MORC3: variants seen among roughly 807,000 people sequenced by gnomAD.
MORC3 encodes the protein MORC family CW-type zinc finger 3.
In MORC3, 31 loss-of-function variants were observed where a neutral mutation model predicts 109.1. The observed-to-expected ratio is 0.28, with a 90% CI of 0.21 to 0.38. The LOEUF is 0.38. MORC3 is among the 10% of genes least tolerant of loss of function. MORC3 has a pLI of 1.00. For missense variants in MORC3, 867 were observed against 1,135.8 expected (o/e 0.76, Z 3.40); for synonymous variants, 395 against 380.7 (o/e 1.04, Z -0.44).
chr21:36,359,373 C>T (rs1344684178), intron 10 of MORC3, among the ~76,000 whole-genome samples: 1 of 151,984 alleles, frequency 6.6e-6, no homozygotes, highest in Non-Finnish European at 1.5e-5. Context: ...TGTGCTCAAG[C>T]GATTCTCCAA....
At chr21:36,329,824 G>T (rs1375311469) in intron 1 of MORC3, among the ~76,000 whole-genome samples, 1 of 152,032 alleles carries the variant, frequency 6.6e-6, no homozygotes. Context: ...ATTGTGTAGA[G>T]AATCCTCTTT....
intron 10 of MORC3, among the ~76,000 whole-genome samples, chr21:36,358,486 T>C (rs1232436053): frequency 6.6e-6 from 1 of 152,144 alleles, no homozygotes; most frequent in African/African-American, 2.4e-5. Flanking sequence ...CTGTATCCAG[T>C]GGGTCACGCC....
At chr21:36,351,047 G>A (rs1244195799) in intron 9 of MORC3, among the ~76,000 whole-genome samples, 3 of 144,836 alleles carry the variant, frequency 2.1e-5, no homozygotes, top group Non-Finnish European at 4.5e-5. Flanking sequence ...TGTTAACTAC[G>A]GTTGTCCTCC....
At chr21:36,337,665 G>GTATT (rs950707610) in intron 3 of MORC3, 67 bp from the exon 4 acceptor site, 153 of 1,064,422 alleles carry the variant, frequency 1.4e-4, no homozygotes, top group Middle Eastern at 3.2e-4. Context: ...AAGATTATAG[G>GTATT]TATTTATTTA....
chr21:36,366,424 G>A (rs535574636), intron 14 of MORC3, among the ~76,000 whole-genome samples: 6 of 152,152 alleles, frequency 3.9e-5, no homozygotes, highest in Middle Eastern at 3.4e-3. Context: ...CATCAAAATG[G>A]AAGACAAGAA....
intron 9 of MORC3, among the ~76,000 whole-genome samples, chr21:36,354,441 A>G (rs1463798456): frequency 6.7e-6 from 1 of 148,280 alleles, no homozygotes; most frequent in Non-Finnish European, 1.5e-5. Flanking sequence ...AGTAGTTAGG[A>G]CTACAGGCAC....
At chr21:36,328,821 T>A (rs1187817942) in intron 1 of MORC3, among the ~76,000 whole-genome samples, 1 of 150,190 alleles carries the variant, frequency 6.7e-6, no homozygotes, top group Non-Finnish European at 1.5e-5. Flanking sequence ...CTGGGCCACA[T>A]TGGAAGAATT....
At chr21:36,323,116 T>C (rs1375614130) in intron 1 of MORC3, among the ~76,000 whole-genome samples, 1 of 152,230 alleles carries the variant, frequency 6.6e-6, no homozygotes, top group African/African-American at 2.4e-5. Context: ...CAGTGTTTTG[T>C]CATTTGGAAG....
rs1013530969 is a variant in MORC3 at position 36,344,786 on chromosome 21, A to G, written c.885+79A>G. 8 of 1,588,040 alleles carry G rather than the reference A, an allele frequency of 5.0e-6. No homozygotes were observed. The African/African-American group carries it at 1.1e-4, about 21-fold the overall frequency. The stretch of plus-strand genomic sequence containing the variant: ...TGCCCCTTTCCCCTTATATGCTGAT[A>G]GGGATTCTAGTCTGCTCTAGCTTTG... On this transcript the variant is annotated intron_variant, in intron 7 of 16. Coordinates refer to ENST00000400485, the MANE Select transcript of MORC3 (RefSeq NM_015358.3).
At chr21:36,360,122 C>G (rs1162602652) in intron 11 of MORC3, 45 bp downstream of exon 11, 18 of 1,613,968 alleles carry the variant, frequency 1.1e-5, no homozygotes, top group Non-Finnish European at 1.4e-5. Flanking sequence ...ACGGAAAGTA[C>G]TGTTCACAGT....
intron 16 of MORC3, 136 bp from the exon 17 acceptor site, chr21:36,375,007 G>A: frequency 1.2e-6 from 1 of 822,478 alleles, no homozygotes; most frequent in East Asian, 2.9e-5. Flanking sequence ...GAGTTCTCTA[G>A]GGGAGGTTTT....
At chr21:36,355,632 G>A (rs542960264) in intron 9 of MORC3, among the ~76,000 whole-genome samples, 40 of 152,064 alleles carry the variant, frequency 2.6e-4, no homozygotes, top group African/African-American at 8.9e-4. Flanking sequence ...TCCCAGAATA[G>A]AGTACTTTTG....
At chr21:36,325,960 A>C (rs1025633117) in intron 1 of MORC3, among the ~76,000 whole-genome samples, 13 of 152,318 alleles carry the variant, frequency 8.5e-5, no homozygotes, top group Admixed American at 5.9e-4. Flanking sequence ...ACGCCTCAGC[A>C]CTTTGGGAGG....
intron 5 of MORC3, 55 bp downstream of exon 5, chr21:36,338,976 G>A: frequency 6.3e-7 from 1 of 1,575,264 alleles, no homozygotes; most frequent in Non-Finnish European, 8.7e-7. Flanking sequence ...CGTGCAGGGT[G>A]GTGGTGTTAT....
At chr21:36,329,784 A>C (rs971257460) in intron 1 of MORC3, among the ~76,000 whole-genome samples, 1 of 152,234 alleles carries the variant, frequency 6.6e-6, no homozygotes, top group African/African-American at 2.4e-5. Context: ...ATTGCCTTGC[A>C]AAGTTTGTCT....
chr21:36,369,453 A>G lies in MORC3; in HGVS notation c.2085A>G (p.Gln695=), dbSNP rs992191782. 13 of 1,614,122 alleles carry G rather than the reference A, an allele frequency of 8.1e-6. No individual in the cohort carries two copies. The highest frequency in any genetic ancestry group is 3.3e-5 in the Admixed American group (2 of 60,008). The change falls in exon 15 of 17, where the codon CAA becomes CAG. Residue 695 remains glutamine, a synonymous_variant. Coordinates refer to ENST00000400485, the MANE Select transcript of MORC3 (RefSeq NM_015358.3). The part of the protein sequence containing the change: ...TDKSADDAGC[Q]LQELRNQLLL... ...AATCTGCAGATGATGCAGGCTGCCA[A>G]TTACAAGAACTGAGAAACCAGCTAC...
rs534139665 is a variant in MORC3, at chr21:36,369,449, G to C, written c.2081G>C (p.Cys694Ser). 6.2e-7 allele frequency: 1 copy of C among 1,614,188 alleles called. No individual in the cohort carries two copies. Residue 694 changes from cysteine to serine, a missense_variant, in exon 15 of 17, where the codon TGC becomes TCC. By Grantham distance (112) the Cys-to-Ser change is moderately radical (BLOSUM62 -1). Around this residue, in one of 7 missense-constraint regions of MORC3, gnomAD observed 486 missense variants for 502.1 expected, o/e 0.97. Coordinates refer to ENST00000400485, the MANE Select transcript of MORC3 (RefSeq NM_015358.3). The part of the protein sequence containing the change: ...TTDKSADDAG[C>S]QLQELRNQLL... ...GATAAATCTGCAGATGATGCAGGCTGCCAATTACAAGAACTGAGAAACCAG... is the reference window on the plus strand; with the variant it reads ...GATAAATCTGCAGATGATGCAGGCTCCCAATTACAAGAACTGAGAAACCAG...
chr21:36,363,742 G>A (rs2085746367), intron 13 of MORC3, among the ~76,000 whole-genome samples: 1 of 152,226 alleles, frequency 6.6e-6, no homozygotes, highest in Admixed American at 6.5e-5. Context: ...AGGCAGTTGT[G>A]CTTCTTGCTT....
chr21:36,333,417 G>A (rs1378773019), intron 1 of MORC3: 3 of 552,296 alleles, frequency 5.4e-6, no homozygotes, highest in African/African-American at 3.8e-5. Context: ...ACATAAAGAG[G>A]GCAAGGGTTT....
Sources: gnomAD v4.1 joint callset for allele counts (sites outside exome capture counted in the v4.1 genomes callset) on GRCh38, gnomAD v4.1.1 for gene constraint, gnomAD v4.1.1 regional missense constraint, MANE v1.5 for transcripts, NCBI Gene and HGNC (gene_info 2026-07-23, HGNC 2026-07-21) for gene names.